Variants in ARMC9 observed in about 807,000 individuals in gnomAD.
ARMC9 encodes lisH domain-containing protein ARMC9.
Under a neutral mutation model 107.0 loss-of-function variants are expected in ARMC9, and 94 were observed. The observed-to-expected ratio is 0.88, with a 90% CI of 0.74 to 1.04. The LOEUF (loss-of-function observed/expected upper bound fraction) is 1.04, where lower values mean the gene tolerates loss of function less well. Among genes scored for constraint, ARMC9 ranks in the 50% least tolerant of loss-of-function variants. The pLI is 0.00. For synonymous variants in ARMC9, 380 were observed against 396.9 expected (o/e 0.96, Z 0.51); for missense variants, 942 against 1,030.1 (o/e 0.91, Z 1.17).
intron 15 of ARMC9, among the ~76,000 whole-genome samples, chr2:231,277,351 G>T (rs1477695014): frequency 6.6e-6 from 1 of 152,156 alleles, no homozygotes; most frequent in Non-Finnish European, 1.5e-5. Flanking sequence ...TTTAGAAGAG[G>T]TGCCACCTCC....
chr2:231,346,071 G>A (rs2044800783), intron 21 of ARMC9, among the ~76,000 whole-genome samples: 1 of 152,158 alleles, frequency 6.6e-6, no homozygotes, highest in Admixed American at 6.5e-5. Context: ...ATAGATGAGT[G>A]CTCTGAGATC....
Position 231,373,966 on chromosome 2 carries a change from A to G in ARMC9, c.*2431A>G, listed in dbSNP as rs991354945. The G allele has an allele frequency of 6.6e-6, 1 of 152,084 alleles. No individual in the cohort carries two copies. The highest frequency in any genetic ancestry group is 1.5e-5 in the Non-Finnish European group (1 of 68,032). The allele number at this position is 152,084 out of a possible 1,614,324, so 9.4% of individuals were successfully genotyped here. A position where few individuals can be genotyped will look rare whatever the true frequency, so the allele number is the denominator to read the frequency against. On this transcript the variant is annotated 3_prime_UTR_variant, in exon 25 of 25. Coordinates refer to ENST00000611582, the MANE Select transcript of ARMC9 (RefSeq NM_001352754.2). This position sits in a 1 kb window ranked among gnomAD's most constrained non-coding sequence, Gnocchi z 4.4. ...TGGTTCTTCCAGGAAAGTGCTGAAA[A>G]TATCACCCAGGCCTCTGCGCCACGC...
intron 6 of ARMC9, among the ~76,000 whole-genome samples, chr2:231,224,532 T>A (rs934444508): frequency 6.6e-6 from 1 of 152,230 alleles, no homozygotes; most frequent in Non-Finnish European, 1.5e-5. Context: ...ATATAACTTG[T>A]ATGAAACAGT....
At chr2:231,203,221 C>G (rs957314047) in intron 1 of ARMC9, among the ~76,000 whole-genome samples, 1 of 152,188 alleles carries the variant, frequency 6.6e-6, no homozygotes, top group Non-Finnish European at 1.5e-5. Context: ...ACAGGCAGCT[C>G]AGACTTATAG....
At chr2:231,315,984 C>G (rs1431541704) in intron 19 of ARMC9, among the ~76,000 whole-genome samples, 5 of 152,146 alleles carry the variant, frequency 3.3e-5, no homozygotes, top group African/African-American at 1.2e-4. Flanking sequence ...TTGTCACAAA[C>G]TACTTTGAGT....
At chr2:231,327,574 T>G (rs1372031214) in intron 19 of ARMC9, among the ~76,000 whole-genome samples, 3 of 152,206 alleles carry the variant, frequency 2.0e-5, no homozygotes, top group African/African-American at 7.2e-5. Flanking sequence ...TTACCTGTTC[T>G]CTTGTTGAAG....
chr2:231,271,150 C>G, intron 13 of ARMC9, 78 bp downstream of exon 13: 8 of 1,407,286 alleles, frequency 5.7e-6, no homozygotes, highest in Non-Finnish European at 7.9e-6. Flanking sequence ...GAGCGTTCCT[C>G]CCAAGTTTCT....
At chr2:231,335,066 TTGAG>T (rs1460576164) in intron 20 of ARMC9, among the ~76,000 whole-genome samples, 1 of 152,134 alleles carries the variant, frequency 6.6e-6, no homozygotes, top group African/African-American at 2.4e-5. Flanking sequence ...TCAAAAAGCT[TTGAG>T]TGAACCTGTG....
chr2:231,238,074 C>T (rs1173916680), intron 8 of ARMC9, among the ~76,000 whole-genome samples: 4 of 151,768 alleles, frequency 2.6e-5, no homozygotes, highest in Admixed American at 1.3e-4. Flanking sequence ...CATGGAGGAA[C>T]GCAGGTGGAA....
intron 14 of ARMC9, among the ~76,000 whole-genome samples, chr2:231,275,500 T>C (rs373892269): frequency 3.3e-5 from 5 of 152,194 alleles, no homozygotes; most frequent in African/African-American, 7.2e-5. Context: ...GGGTGGAAAA[T>C]CATTCCTTAT....
chr2:231,348,973 C>T (rs1253587769), intron 21 of ARMC9, among the ~76,000 whole-genome samples: 1 of 152,190 alleles, frequency 6.6e-6, no homozygotes, highest in Non-Finnish European at 1.5e-5. Context: ...AACCCTCATA[C>T]ACTGTTGGTG....
chr2:231,200,955 G>C (rs552971075), intron 1 of ARMC9, among the ~76,000 whole-genome samples: 38 of 152,318 alleles, frequency 2.5e-4, no homozygotes, highest in Non-Finnish European at 1.6e-4. Flanking sequence ...GTTTGCCTGG[G>C]GGGGCAGAGC....
chr2:231,282,457 G>A (rs566069370), intron 17 of ARMC9, among the ~76,000 whole-genome samples: 5 of 152,336 alleles, frequency 3.3e-5, no homozygotes, highest in African/African-American at 1.2e-4. Context: ...ACTTGGTTTG[G>A]TTGGTAAATA....
intron 9 of ARMC9, among the ~76,000 whole-genome samples, chr2:231,245,308 G>A (rs1441412570): frequency 1.3e-5 from 2 of 152,212 alleles, no homozygotes; most frequent in Non-Finnish European, 2.9e-5. Flanking sequence ...GGCACAAGAG[G>A]CTGAGTTTTT....
intron 7 of ARMC9, among the ~76,000 whole-genome samples, chr2:231,230,179 T>C (rs1342328628): frequency 1.3e-5 from 2 of 151,972 alleles, no homozygotes; most frequent in African/African-American, 4.8e-5. Context: ...CTGGCCAACA[T>C]AGTGAGACCC....
intron 19 of ARMC9, among the ~76,000 whole-genome samples, chr2:231,309,180 A>T (rs1575032266): frequency 1.3e-5 from 2 of 152,276 alleles, no homozygotes; most frequent in Middle Eastern, 3.4e-3. Context: ...AGGCTGACTC[A>T]TGGCTCCTGC....
intron 10 of ARMC9, 42 bp from the exon 11 acceptor site, chr2:231,258,949 T>A (rs768182241): frequency 6.5e-7 from 1 of 1,534,134 alleles, no homozygotes; most frequent in South Asian, 1.1e-5. Context: ...AAACATGCCC[T>A]TTTGCCCTTT....
intron 19 of ARMC9, among the ~76,000 whole-genome samples, chr2:231,303,889 T>C (rs953875367): frequency 1.6e-4 from 25 of 152,182 alleles, no homozygotes; most frequent in African/African-American, 6.0e-4. Flanking sequence ...TGAGCCGAGA[T>C]TGCGCTACTG....
At chr2:231,256,087 C>T (rs886742984) in intron 9 of ARMC9, 6 of 1,546,180 alleles carry the variant, frequency 3.9e-6, no homozygotes, top group Non-Finnish European at 5.2e-6. Flanking sequence ...ACCGCCGCCG[C>T]GCCGCCATCA....
Sources: allele counts gnomAD v4.1 joint callset (sites outside exome capture counted in the v4.1 genomes callset), GRCh38; gene constraint gnomAD v4.1.1; non-coding constraint Gnocchi (gnomAD v3.1); transcripts MANE v1.5; gene names NCBI Gene and HGNC (gene_info 2026-07-23, HGNC 2026-07-21).